ASAH2: variants seen among roughly 807,000 people sequenced by gnomAD.
ASAH2 encodes the protein N-acylsphingosine amidohydrolase 2, also known as neutral ceramidase.
A neutral mutation model predicts 82.9 loss-of-function variants in ASAH2; 58 were observed. The observed-to-expected ratio is 0.70, with a 90% CI of 0.57 to 0.87. The LOEUF is 0.87. Among genes scored for constraint, ASAH2 ranks in the 40% least tolerant of loss-of-function variants. ASAH2 has a pLI of 0.00. For synonymous variants in ASAH2, 276 were observed against 289.7 expected (o/e 0.95, Z 0.48); for missense variants, 779 against 834.0 (o/e 0.93, Z 0.81).
In ASAH2 at chr10:50,204,901, G is replaced by A. The variant is rs1041900205; in HGVS notation, c.1585C>T (p.Leu529Phe). The change falls in exon 14 of 21, where the codon CTT (leucine) becomes TTT (phenylalanine). Residue 529 changes from leucine to phenylalanine, a missense_variant. Around this residue, in one of 3 missense-constraint regions of ASAH2, gnomAD observed 759 missense variants for 755.2 expected, o/e 1.00. Transcript: ENST00000682911. ...ATGGCAGTTATGGCCAAGGACCCAAGGGTAATAATCTGAACATCAACAATG... is the reference window on the plus strand; with the variant it reads ...ATGGCAGTTATGGCCAAGGACCCAAAGGTAATAATCTGAACATCAACAATG... ...PDIVDVQIITLGSLAITAIPG... is the reference protein window; with the variant it reads ...PDIVDVQIITFGSLAITAIPG... 9 of 1,611,920 alleles carry A rather than the reference G, an allele frequency of 5.6e-6. No individual in the cohort carries two copies. In the Admixed American group the frequency reaches 1.3e-4, roughly 24 times the overall value.
At position 50,204,935 on chromosome 10, in the gene ASAH2, C is replaced by G; in HGVS notation, c.1551G>C (p.Trp517Cys). The G allele has an allele frequency of 6.2e-7, 1 of 1,610,386 alleles. No homozygotes were observed. Among genetic ancestry groups the G allele is most frequent in the South Asian group, 1.1e-5 (1 of 90,448 alleles). ...HTGELSKPHP[W>C]HPDIVDVQII... The stretch of plus-strand genomic sequence containing the variant: ...TCTGAACATCAACAATGTCTGGATG[C>G]CAGGGGTGAGGTTTTGATAGCTGAG... Residue 517 changes from tryptophan to cysteine, a missense_variant, in exon 14 of 21, where the codon TGG becomes TGC. Transcript: ENST00000682911.
At position 50,235,966 on chromosome 10, in the gene ASAH2, G is replaced by T. The variant is rs893853750; in HGVS notation, c.609C>A (p.Phe203Leu). Residue 203 changes from phenylalanine (F) to leucine (L), a missense_variant, in exon 5 of 21, where the codon TTC becomes TTA. By Grantham distance (22) the Phe-to-Leu change is conservative. Transcript: ENST00000682911. Reference protein sequence around the residue: ...THTHSGPAGYFQYTVFVIASE... With the variant: ...THTHSGPAGYLQYTVFVIASE... ...TGGCAATTACAAACACGGTATACTG[G>T]AAATATCCTGCAGGACCTGAATGAG... 6.2e-7 allele frequency: 1 copy of T among 1,613,380 alleles called. No homozygotes were observed. Among genetic ancestry groups the T allele is most frequent in the Non-Finnish European group, 8.5e-7 (1 of 1,179,462 alleles).
rs1304932743 is a variant in ASAH2 at position 50,198,900 on chromosome 10, A to G, written c.1857+151T>C. The G allele has an allele frequency of 7.1e-4, 593 of 835,332 alleles. 2 individuals are homozygous for G. The highest frequency in any genetic ancestry group is 1.6e-3 in the Middle Eastern group (6 of 3,766). The allele number at this position is 835,332 out of a possible 1,614,324, so 51.7% of individuals were successfully genotyped here. On this transcript the variant is annotated intron_variant, in intron 17 of 20. Coordinates refer to ENST00000682911, the MANE Select transcript of ASAH2 (RefSeq NM_019893.4). ...ACCACAAAACTATAAATTTTGTAAA[A>G]TATAAAGGTTGTCAAACTGAACACT... is the stretch of plus-strand genomic sequence containing the variant.
intron 7 of ASAH2, among the ~76,000 whole-genome samples, chr10:50,232,310 T>C (rs1846040109): frequency 3.3e-5 from 5 of 152,140 alleles, no homozygotes; most frequent in African/African-American, 4.8e-5. Context: ...CTTTATCCTA[T>C]GGTATGCACA....
intron 5 of ASAH2, 86 bp downstream of exon 5, chr10:50,235,802 A>G (rs1348283027): frequency 2.8e-6 from 4 of 1,450,258 alleles, no homozygotes; most frequent in African/African-American, 2.8e-5. Flanking sequence ...CAAATCCTAT[A>G]GGGATTCTTT....
chr10:50,197,872 T>C (rs375489771), intron 17 of ASAH2, among the ~76,000 whole-genome samples: 30 of 148,442 alleles, frequency 2.0e-4, no homozygotes, highest in Non-Finnish European at 4.5e-4. Flanking sequence ...TGGATTATAG[T>C]TTTATGCTTT....
At chr10:50,222,222 T>C (rs1845767996) in intron 7 of ASAH2, among the ~76,000 whole-genome samples, 2 of 152,206 alleles carry the variant, frequency 1.3e-5, no homozygotes, top group Admixed American at 6.5e-5. Flanking sequence ...TTGGCCACAA[T>C]GGTAACTATG....
chr10:50,245,949 C>T lies in ASAH2; in HGVS notation c.128-495G>A, dbSNP rs1001734893. On this transcript the variant is annotated intron_variant, in intron 2 of 20. Transcript: ENST00000682911. ...GCAGGATGCCACCCCACTGGCTCTA[C>T]CTTGGCTCTGATCCTCTTTGACCTT... is the stretch of plus-strand genomic sequence containing the variant. Among the ~76,000 whole-genome samples the T allele has an allele frequency of 2.0e-5, 3 of 152,270 alleles. No individual in the cohort carries two copies. The South Asian group carries it at 6.2e-4, about 32-fold the overall frequency.
chr10:50,251,204 G>A (rs1865747), intron 1 of ASAH2, among the ~76,000 whole-genome samples, 191 bp downstream of exon 1: 44,602 of 152,108 alleles, frequency 0.29, 6,795 homozygotes, highest in Non-Finnish European at 0.31. Flanking sequence ...ATAGCAAGCC[G>A]TTTGCCACAT....
At position 50,212,384 on chromosome 10, in the gene ASAH2, G is replaced by A. The variant is rs975842144; in HGVS notation, c.1227+588C>T. On this transcript the variant is annotated intron_variant, in intron 10 of 20. Transcript: ENST00000682911. ...AATTTAGGAGGGGGAGGAAATCAGAGTAATTCATAGTAATCTCACTGGAGA... is the reference window on the plus strand; with the variant it reads ...AATTTAGGAGGGGGAGGAAATCAGAATAATTCATAGTAATCTCACTGGAGA... Among the ~76,000 whole-genome samples the A allele has an allele frequency of 5.2e-3, 793 of 152,228 alleles. 7 individuals are homozygous for A. The highest frequency in any genetic ancestry group is 0.015 in the African/African-American group (627 of 41,552).
chr10:50,246,087 C>T (rs1356251189), intron 2 of ASAH2, among the ~76,000 whole-genome samples: 2 of 152,114 alleles, frequency 1.3e-5, no homozygotes, highest in Non-Finnish European at 2.9e-5. Flanking sequence ...TATTTATACA[C>T]ATATATTCTA....
chr10:50,194,011 A>G lies in ASAH2; in HGVS notation c.2005-1299T>C, dbSNP rs1203140161. On this transcript the variant is annotated intron_variant, in intron 18 of 20. Transcript: ENST00000682911. ...ATGAATGGTCATATAACAAGTAAAG[A>G]AATTGAATTAGTAATAAAAATTTTG... Among the ~76,000 whole-genome samples, 93 of 151,512 alleles carry G rather than the reference A, an allele frequency of 6.1e-4. No individual in the cohort carries two copies. The Middle Eastern group carries it at 0.01, about 17-fold the overall frequency.
intron 16 of ASAH2, 86 bp from the exon 17 acceptor site, chr10:50,199,232 C>T: frequency 7.8e-7 from 1 of 1,286,248 alleles, no homozygotes; most frequent in Non-Finnish European, 1.1e-6. Flanking sequence ...AAGTGTGATG[C>T]TTGACATCTC....
intron 12 of ASAH2, among the ~76,000 whole-genome samples, chr10:50,208,093 T>C (rs1317985901): frequency 6.6e-6 from 1 of 151,936 alleles, no homozygotes; most frequent in Non-Finnish European, 1.5e-5. Flanking sequence ...AGAGAAATAT[T>C]TGCCAAAAAA....
At position 50,206,274 on chromosome 10, in the gene ASAH2, T is replaced by C. The variant is rs533783719; in HGVS notation, c.1415-177A>G. On this transcript the variant is annotated intron_variant, in intron 12 of 20. Transcript: ENST00000682911. ...AATAGGAAAAATGTCCTGTGCATCC[T>C]AAGACATGAGCCATTGTTTAATTAG... Among the ~76,000 whole-genome samples the C allele has an allele frequency of 3.3e-5, 5 of 152,062 alleles. No individual in the cohort carries two copies. The East Asian group carries it at 9.6e-4, about 29-fold the overall frequency.
chr10:50,250,153 C>T (rs1846578533), intron 1 of ASAH2, among the ~76,000 whole-genome samples: 1 of 152,106 alleles, frequency 6.6e-6, no homozygotes, highest in South Asian at 2.1e-4. Context: ...AAACTCAGTG[C>T]TGTTGTTCTC....
intron 7 of ASAH2, among the ~76,000 whole-genome samples, chr10:50,223,484 C>T (rs1366591536): frequency 3.9e-5 from 6 of 152,142 alleles, no homozygotes; most frequent in Admixed American, 6.5e-5. Context: ...AAAGGTTCTA[C>T]GTGCTAGCAT....
chr10:50,208,473 G>A (rs1472236750), intron 12 of ASAH2, among the ~76,000 whole-genome samples: 25 of 151,938 alleles, frequency 1.6e-4, no homozygotes, highest in African/African-American at 6.0e-4. Flanking sequence ...AGGATATAAG[G>A]TCAATACAGC....
At chr10:50,232,252 A>G (rs1846038044) in intron 7 of ASAH2, among the ~76,000 whole-genome samples, 1 of 152,128 alleles carries the variant, frequency 6.6e-6, no homozygotes, top group Non-Finnish European at 1.5e-5. Flanking sequence ...TACTTGGCAG[A>G]CCCTTTGTCA....
Sources: gnomAD v4.1 joint callset for allele counts (sites outside exome capture counted in the v4.1 genomes callset) on GRCh38, gnomAD v4.1.1 for gene constraint, gnomAD v4.1.1 regional missense constraint, MANE v1.5 for transcripts, NCBI Gene and HGNC (gene_info 2026-07-23, HGNC 2026-07-21) for gene names.